The following SEMA3A variants were observed in gnomAD, a reference collection of about 807,000 sequenced individuals.
SEMA3A encodes the protein semaphorin-3A.
Under a neutral mutation model 97.9 loss-of-function variants are expected in SEMA3A, and 29 were observed. That is an observed-to-expected ratio of 0.30 (90% CI 0.22 to 0.40). The LOEUF (loss-of-function observed/expected upper bound fraction) is 0.40. Ranked by LOEUF, SEMA3A falls within the 10% of genes least tolerant of loss-of-function variation. The probability of loss-of-function intolerance (pLI) is 1.00; values close to 1 mark genes in which losing one functional copy is unlikely to be tolerated. For synonymous variants in SEMA3A, 321 were observed against 323.7 expected, an observed-to-expected ratio of 0.99 and a Z score of 0.09; for missense variants, 763 against 951.3, an observed-to-expected ratio of 0.80 and a Z score of 2.60.
chr7:84,480,643 T>TTCA (rs1806420364), intron 1 of SEMA3A, among the ~76,000 whole-genome samples: 1 of 152,174 alleles, frequency 6.6e-6, no homozygotes, highest in Non-Finnish European at 1.5e-5. Flanking sequence ...TGACCTGAAA[T>TTCA]TCATCTCTTT....
At chr7:84,456,786 C>A (rs1805697772) in intron 1 of SEMA3A, among the ~76,000 whole-genome samples, 1 of 151,714 alleles carries the variant, frequency 6.6e-6, no homozygotes, top group Non-Finnish European at 1.5e-5. Flanking sequence ...TAGGGGTACA[C>A]AAACAAACAC....
chr7:83,965,889 C>T (rs1788677012), intron 15 of SEMA3A, among the ~76,000 whole-genome samples: 1 of 150,050 alleles, frequency 6.7e-6, no homozygotes, highest in South Asian at 2.1e-4. Context: ...ACGTGTTAGC[C>T]AGGATGGTCT....
At chr7:84,306,941 A>G (rs1244279306) in intron 3 of SEMA3A, among the ~76,000 whole-genome samples, 1 of 151,966 alleles carries the variant, frequency 6.6e-6, no homozygotes, top group African/African-American at 2.4e-5. Flanking sequence ...CCAAGTCTGG[A>G]GATTTTTTTT....
chr7:84,346,954 G>C (rs1802313783), intron 2 of SEMA3A, among the ~76,000 whole-genome samples: 1 of 152,140 alleles, frequency 6.6e-6, no homozygotes, highest in African/African-American at 2.4e-5. Flanking sequence ...CATATGAAAA[G>C]ATGGTCACCA....
At chr7:84,380,329 C>T (rs1425451912) in intron 1 of SEMA3A, among the ~76,000 whole-genome samples, 1 of 152,088 alleles carries the variant, frequency 6.6e-6, no homozygotes. Context: ...TGAATAATTC[C>T]TATGATATGT....
At position 84,274,102 on chromosome 7, in the gene SEMA3A, T is replaced by C. The variant is rs957502560; in HGVS notation, c.-83+33105A>G. Among the ~76,000 whole-genome samples, 5 of 152,132 alleles carry C rather than the reference T, an allele frequency of 3.3e-5. No individual in the cohort carries two copies. The East Asian group carries it at 7.7e-4, about 23-fold the overall frequency. ...CATAAGAATCCATTTATTTAGAGTT[T>C]GGCCCATTTTTAACCATTTAAAATT... On this transcript the variant is annotated intron_variant, in intron 3 of 3. Coordinates refer to the SEMA3A transcript ENST00000424555.
At chr7:84,384,735 A>G (rs1803356711) in intron 1 of SEMA3A, among the ~76,000 whole-genome samples, 1 of 152,170 alleles carries the variant, frequency 6.6e-6, no homozygotes, top group South Asian at 2.1e-4. Flanking sequence ...TCCTCCCTTG[A>G]AATTTACACT....
intron 1 of SEMA3A, among the ~76,000 whole-genome samples, chr7:84,428,260 G>A (rs560115118): frequency 2.3e-4 from 35 of 152,076 alleles, no homozygotes; most frequent in African/African-American, 7.9e-4. Context: ...TATGCTTGTC[G>A]TATTTGTGTG....
chr7:84,402,671 T>C (rs1316994068), intron 1 of SEMA3A, among the ~76,000 whole-genome samples: 5 of 152,146 alleles, frequency 3.3e-5, no homozygotes, highest in Non-Finnish European at 7.3e-5. Flanking sequence ...AAGAATATTA[T>C]TATTAATGGA....
intron 3 of SEMA3A, among the ~76,000 whole-genome samples, chr7:84,111,831 A>T (rs561732428): frequency 1.3e-5 from 2 of 152,276 alleles, no homozygotes; most frequent in African/African-American, 4.8e-5. Flanking sequence ...TGATCTTGCA[A>T]GTTGTTATGA....
chr7:84,207,414 G>A (rs1798518205), intron 3 of SEMA3A, among the ~76,000 whole-genome samples: 1 of 152,144 alleles, frequency 6.6e-6, no homozygotes, highest in African/African-American at 2.4e-5. Context: ...TGATTCAAAT[G>A]ATTCTATGTA....
At chr7:84,323,429 C>A (rs987138324) in intron 2 of SEMA3A, among the ~76,000 whole-genome samples, 35 of 152,054 alleles carry the variant, frequency 2.3e-4, no homozygotes, top group African/African-American at 6.5e-4. Flanking sequence ...AGACCGCCTT[C>A]AGCTAAAGCA....
chr7:84,006,163 T>C (rs1790657847), intron 10 of SEMA3A, among the ~76,000 whole-genome samples: 1 of 152,110 alleles, frequency 6.6e-6, no homozygotes, highest in Non-Finnish European at 1.5e-5. Flanking sequence ...ACATAATGAA[T>C]GGAATATACT....
chr7:84,116,393 T>G (rs1795432273), intron 3 of SEMA3A, among the ~76,000 whole-genome samples: 1 of 152,092 alleles, frequency 6.6e-6, no homozygotes, highest in Non-Finnish European at 1.5e-5. Context: ...GATTAAAAAG[T>G]AGAACATTCG....
chr7:84,226,739 C>T (rs918864730), intron 3 of SEMA3A, among the ~76,000 whole-genome samples: 1 of 152,056 alleles, frequency 6.6e-6, no homozygotes, highest in Non-Finnish European at 1.5e-5. Context: ...CCAACACTCA[C>T]TCCACAGTAA....
At chr7:84,360,119 T>G (rs1347856589) in intron 2 of SEMA3A, among the ~76,000 whole-genome samples, 1 of 152,040 alleles carries the variant, frequency 6.6e-6, no homozygotes, top group Non-Finnish European at 1.5e-5. Context: ...TTTGAAGGGT[T>G]TTTTGTGTCT....
At position 84,289,733 on chromosome 7, in the gene SEMA3A, CAT is replaced by C. The variant is rs1156546063; in HGVS notation, c.-83+17472_-83+17473del. ...TGAGGCTATTCCTCAAAAAGTTATA[CAT>C]ACTGTTACCATGTGATCTAGCAATT... On this transcript the variant is annotated intron_variant, in intron 3 of 3. Transcript: ENST00000424555. 3.3e-5 allele frequency among the ~76,000 whole-genome samples: 5 copies of C among 152,162 alleles called. No individual in the cohort carries two copies. The East Asian group carries it at 9.7e-4, about 29-fold the overall frequency.
intron 1 of SEMA3A, among the ~76,000 whole-genome samples, chr7:84,482,205 C>T (rs998754037): frequency 6.6e-6 from 1 of 152,038 alleles, no homozygotes; most frequent in Non-Finnish European, 1.5e-5. Context: ...TGTGTAAGTG[C>T]TATTAATGTT....
At chr7:84,083,711 A>G (rs1039349137) in intron 4 of SEMA3A, among the ~76,000 whole-genome samples, 5 of 152,048 alleles carry the variant, frequency 3.3e-5, no homozygotes, top group African/African-American at 1.2e-4. Flanking sequence ...TGACTGACTC[A>G]GATAAGTAAT....
Sources: allele counts gnomAD v4.1 joint callset (sites outside exome capture counted in the v4.1 genomes callset), GRCh38; gene constraint gnomAD v4.1.1; transcripts MANE v1.5; gene names NCBI Gene and HGNC (gene_info 2026-07-23, HGNC 2026-07-21).